Variants in ZNF141 observed in about 807,000 individuals in gnomAD.
The protein encoded by ZNF141 is zinc finger protein 141 (clone pHZ-44).
A neutral mutation model predicts 11.3 loss-of-function variants in ZNF141; 7 were observed. The ratio of observed to expected loss-of-function variants is 0.62; its 90% CI spans 0.35 to 1.16. The LOEUF (loss-of-function observed/expected upper bound fraction) is 1.16, where lower values mean the gene tolerates loss of function less well. ZNF141 is among the 50% of genes most tolerant of loss of function. The pLI is 0.02. For missense variants in ZNF141, 535 were observed against 554.0 expected (o/e 0.97, Z 0.34); for synonymous variants, 183 against 190.7 (o/e 0.96, Z 0.33).
chr4:342,986 T>C, intron 1 of ZNF141: 9 of 1,312,872 alleles, frequency 6.9e-6, no homozygotes, highest in South Asian at 2.4e-5. Flanking sequence ...ATCAGTTCCT[T>C]GCGTGGTTAA....
chr4:353,713 T>C (rs911141047), intron 3 of ZNF141, among the ~76,000 whole-genome samples: 11 of 152,002 alleles, frequency 7.2e-5, no homozygotes, highest in Admixed American at 3.9e-4. Flanking sequence ...CCCTCCACCT[T>C]GGCCTCCCAA....
rs182517812 is a variant in ZNF141 at position 347,322 on chromosome 4, A to G, written c.226+2892A>G. ...AAAGTGCTGGGATTACAGGAGTGAG[A>G]CACCACGCCCGGCCAAGTTTTTTTT... On this transcript the variant is annotated intron_variant, in intron 3 of 3. Transcript: ENST00000240499. Among the ~76,000 whole-genome samples the G allele has an allele frequency of 3.0e-3, 417 of 139,264 alleles. 7 individuals are homozygous for G. The highest frequency in any genetic ancestry group is 4.4e-3 in the Non-Finnish European group (287 of 65,004). The allele number at this position is 139,264 out of a possible 152,430, so 91.4% of individuals were successfully genotyped here.
rs904368440 is a variant in ZNF141, at chr4:376,444, T to G, written c.*2582T>G. 6.6e-6 allele frequency among the ~76,000 whole-genome samples: 1 copy of G among 152,058 alleles called. No homozygotes were observed. Among genetic ancestry groups the G allele is most frequent in the Non-Finnish European group, 1.5e-5 (1 of 67,920 alleles). On this transcript the variant is annotated 3_prime_UTR_variant, in exon 4 of 4. Transcript: ENST00000240499. ...ATTCATCACCTCAAGCATTCATCCTTTGTATTACACACAATCCAATTATAC... is the reference window on the plus strand; with the variant it reads ...ATTCATCACCTCAAGCATTCATCCTGTGTATTACACACAATCCAATTATAC...
At chr4:364,653 C>G (rs1247801638) in intron 3 of ZNF141, among the ~76,000 whole-genome samples, 2 of 152,156 alleles carry the variant, frequency 1.3e-5, no homozygotes, top group African/African-American at 4.8e-5. Context: ...GTATCACCAG[C>G]AGAGACTGCA....
At chr4:342,923 C>A in intron 1 of ZNF141, 1 of 1,569,076 alleles carries the variant, frequency 6.4e-7, no homozygotes, top group African/African-American at 1.3e-5. Flanking sequence ...TCCTTAGTGT[C>A]AGGATCTACT....
intron 3 of ZNF141, among the ~76,000 whole-genome samples, chr4:361,613 T>C (rs1275486129): frequency 6.6e-6 from 1 of 151,920 alleles, no homozygotes; most frequent in Non-Finnish European, 1.5e-5. Context: ...CACCTGTGAG[T>C]GAGAACATGC....
rs1169851501 is a variant in ZNF141 at position 381,431 on chromosome 4, CGTT to C, written c.*7572_*7574del. Among the ~76,000 whole-genome samples the C allele has an allele frequency of 6.0e-5, 5 of 83,894 alleles. No homozygotes were observed. The highest frequency in any genetic ancestry group is 2.1e-4 in the African/African-American group (4 of 18,714). 55.0% of individuals were successfully genotyped at this position (83,894 alleles called of 152,430 possible). ...TTTTTTTTTTTTTTTTTTTTTGAGA[CGTT>C]GTCTTGCTCTGTCGCCCAGGCTGGA... On this transcript the variant is annotated 3_prime_UTR_variant, in exon 4 of 4. Coordinates refer to ENST00000240499, the MANE Select transcript of ZNF141 (RefSeq NM_003441.4).
intron 3 of ZNF141, among the ~76,000 whole-genome samples, chr4:370,408 GTGT>G (rs1313046041): frequency 6.6e-6 from 1 of 151,938 alleles, no homozygotes; most frequent in South Asian, 2.1e-4. Flanking sequence ...TATAAGGCAG[GTGT>G]TGTGCTAATA....
chr4:356,039 G>A (rs1478319244), intron 3 of ZNF141, among the ~76,000 whole-genome samples: 1 of 151,930 alleles, frequency 6.6e-6, no homozygotes, highest in Non-Finnish European at 1.5e-5. Flanking sequence ...AGACCAGCCT[G>A]GCCAAGATAG....
chr4:349,969 G>A (rs1721512490), intron 3 of ZNF141, among the ~76,000 whole-genome samples: 1 of 150,510 alleles, frequency 6.6e-6, no homozygotes, highest in Non-Finnish European at 1.5e-5. Flanking sequence ...AACTGGCCAT[G>A]GACTGTGACT....
At chr4:347,283 C>CGTCT (rs1254380757) in intron 3 of ZNF141, among the ~76,000 whole-genome samples, 5 of 151,432 alleles carry the variant, frequency 3.3e-5, no homozygotes, top group Non-Finnish European at 7.4e-5. Flanking sequence ...GTGATCCACC[C>CGTCT]GTCTCAGCCT....
intron 3 of ZNF141, among the ~76,000 whole-genome samples, chr4:366,824 C>A (rs1711766329): frequency 6.6e-6 from 1 of 152,058 alleles, no homozygotes; most frequent in Non-Finnish European, 1.5e-5. Context: ...AGCTGGACTG[C>A]ACCTGGTTAA....
intron 3 of ZNF141, among the ~76,000 whole-genome samples, chr4:357,965 C>T (rs1183547780): frequency 2.0e-5 from 3 of 151,752 alleles, no homozygotes; most frequent in Admixed American, 1.3e-4. Flanking sequence ...GTGATTCGCC[C>T]GCCTCAGCCT....
At chr4:346,875 G>T (rs1721344448) in intron 3 of ZNF141, among the ~76,000 whole-genome samples, 1 of 122,738 alleles carries the variant, frequency 8.1e-6, no homozygotes. Flanking sequence ...GTATATATAT[G>T]TATACACACA....
At chr4:359,344 A>G (rs1581607234) in intron 3 of ZNF141, among the ~76,000 whole-genome samples, 1 of 152,334 alleles carries the variant, frequency 6.6e-6, no homozygotes, top group Non-Finnish European at 1.5e-5. Flanking sequence ...TGCTGATACA[A>G]TAAATATGAG....
rs1321028453 is a variant in ZNF141, at chr4:384,559, A to G, written c.*10697A>G. 6.6e-6 allele frequency: 1 copy of G among 152,198 alleles called. No homozygotes were observed. Among genetic ancestry groups the G allele is most frequent in the Admixed American group, 6.5e-5 (1 of 15,288 alleles). 9.4% of individuals were successfully genotyped at this position (152,198 alleles called of 1,614,324 possible). On this transcript the variant is annotated 3_prime_UTR_variant, in exon 4 of 4. Transcript: ENST00000240499. The stretch of plus-strand genomic sequence containing the variant: ...TGTCATTAACTTGACCCAGCTCCTT[A>G]TAATGTTACTAACATGACATAAATA...
rs73219209 is a variant in ZNF141, at chr4:360,800, C to A, written c.227-11864C>A. 7.3e-3 allele frequency among the ~76,000 whole-genome samples: 1,106 copies of A among 152,112 alleles called. 7 individuals carry two copies. The highest frequency in any genetic ancestry group is 0.013 in the Non-Finnish European group (885 of 67,972). On this transcript the variant is annotated intron_variant, in intron 3 of 3. Transcript: ENST00000240499. ...ATTTGCCTGCAAAAATCACTTTGGGCAAATTTTAAAAAATATATAAATGCG... is the reference window on the plus strand; with the variant it reads ...ATTTGCCTGCAAAAATCACTTTGGGAAAATTTTAAAAAATATATAAATGCG...
chr4:345,515 G>A (rs1467697908), intron 3 of ZNF141, among the ~76,000 whole-genome samples: 5 of 152,010 alleles, frequency 3.3e-5, no homozygotes, highest in African/African-American at 1.2e-4. Flanking sequence ...GATCATCTGA[G>A]ATCGGGAGTA....
chr4:337,991 G>C lies in ZNF141; in HGVS notation c.3+5G>C, dbSNP rs919935928. 7.4e-6 allele frequency: 12 copies of C among 1,613,498 alleles called. No individual in the cohort carries two copies. Among genetic ancestry groups the C allele is most frequent in the Non-Finnish European group, 1.0e-5 (12 of 1,179,594 alleles). On this transcript the variant is annotated splice_donor_5th_base_variant and intron_variant, in intron 1 of 3. Transcript: ENST00000240499. ...TACTTCAGAAGTGGGGAAATGGTGA[G>C]TGTGCGGGGCAGGGCGTCCCAAGGC...
Sources: allele counts gnomAD v4.1 joint callset (sites outside exome capture counted in the v4.1 genomes callset), GRCh38; gene constraint gnomAD v4.1.1; transcripts MANE v1.5; gene names NCBI Gene and HGNC (gene_info 2026-07-23, HGNC 2026-07-21).